The following CADPS variants were observed in gnomAD, a reference collection of about 807,000 sequenced individuals.
CADPS encodes calcium-dependent secretion activator 1.
CADPS carries 57 observed loss-of-function variants against 167.3 expected under a neutral mutation model. The ratio of observed to expected loss-of-function variants is 0.34; its 90% CI spans 0.28 to 0.42. The LOEUF is 0.42. Ranked by LOEUF, CADPS falls within the 20% of genes least tolerant of loss-of-function variation. The pLI is 1.00. For missense variants in CADPS, 1,414 were observed against 1,738.1 expected (o/e 0.81, Z 3.32); for synonymous variants, 676 against 635.3 (o/e 1.06, Z -0.96).
intron 3 of CADPS, among the ~76,000 whole-genome samples, chr3:62,679,959 T>C (rs1191804627): frequency 6.6e-6 from 1 of 151,886 alleles, no homozygotes; most frequent in Non-Finnish European, 1.5e-5. Flanking sequence ...TAATTATAAT[T>C]TATATAAAGA....
intron 1 of CADPS, among the ~76,000 whole-genome samples, chr3:62,819,113 G>T (rs1188927710): frequency 2.0e-5 from 3 of 152,036 alleles, no homozygotes; most frequent in East Asian, 1.9e-4. Context: ...AGAAGTGTGG[G>T]TTATGTGTGT....
intron 3 of CADPS, among the ~76,000 whole-genome samples, chr3:62,752,357 A>G (rs972106051): frequency 6.6e-6 from 1 of 152,218 alleles, no homozygotes; most frequent in Non-Finnish European, 1.5e-5. Context: ...TTAAAGTTGG[A>G]TGAGATGAAA....
intron 6 of CADPS, among the ~76,000 whole-genome samples, chr3:62,618,516 T>A (rs2062685114): frequency 6.6e-6 from 1 of 152,156 alleles, no homozygotes. Context: ...AAATAAAGAA[T>A]TGGAGTTCTG....
intron 3 of CADPS, among the ~76,000 whole-genome samples, chr3:62,674,783 G>C (rs1183247600): frequency 6.6e-6 from 1 of 152,098 alleles, no homozygotes; most frequent in African/African-American, 2.4e-5. Flanking sequence ...TAACACATGA[G>C]ACAGTTCTTA....
intron 4 of CADPS, among the ~76,000 whole-genome samples, chr3:62,658,750 C>T (rs1371511299): frequency 6.6e-6 from 1 of 152,180 alleles, no homozygotes. Flanking sequence ...ATATCCCCAG[C>T]ATCCATGTAT....
intron 21 of CADPS, among the ~76,000 whole-genome samples, chr3:62,484,658 A>T (rs200222602): frequency 6.6e-6 from 1 of 152,128 alleles, no homozygotes; most frequent in Non-Finnish European, 1.5e-5. Flanking sequence ...TCACTCTTAC[A>T]TGGATGAATG....
chr3:62,494,279 G>T (rs984695796), intron 18 of CADPS, among the ~76,000 whole-genome samples: 1 of 152,168 alleles, frequency 6.6e-6, no homozygotes, highest in Non-Finnish European at 1.5e-5. Context: ...AAGTCCAGTA[G>T]ATAGAGAAAC....
chr3:62,417,273 ACTCTTTTTTTTTTTT>A lies in CADPS; in HGVS notation c.3778-14103_3778-14089del, dbSNP rs2050264180. On this transcript the variant is annotated intron_variant, in intron 28 of 29. Transcript: ENST00000383710. ...TTAACACAATAACTATTTTTCTTTT[ACTCTTTTTTTTTTTT>A]TTTTTTTTTTTTTTTTGAGACTGTC... Among the ~76,000 whole-genome samples, 6 of 51,534 alleles carry A rather than the reference ACTCTTTTTTTTTTTT, an allele frequency of 1.2e-4. 1 individual carries two copies. Among genetic ancestry groups the A allele is most frequent in the African/African-American group, 2.7e-4 (3 of 11,226 alleles). The allele number at this position is 51,534 out of a possible 152,430, so 33.8% of individuals were successfully genotyped here. A position where few individuals can be genotyped will look rare whatever the true frequency, so the allele number is the denominator to read the frequency against.
At chr3:62,567,779 T>C (rs1340836202) in intron 9 of CADPS, among the ~76,000 whole-genome samples, 1 of 151,928 alleles carries the variant, frequency 6.6e-6, no homozygotes, top group Non-Finnish European at 1.5e-5. Flanking sequence ...TTCACCATGT[T>C]GCCCAGGCTG....
chr3:62,711,292 G>A (rs1338905622), intron 3 of CADPS, among the ~76,000 whole-genome samples: 1 of 152,192 alleles, frequency 6.6e-6, no homozygotes, highest in African/African-American at 2.4e-5. Context: ...ATAGTGATAA[G>A]TGTAAACAGT....
At chr3:62,713,598 G>A (rs1455224554) in intron 3 of CADPS, among the ~76,000 whole-genome samples, 3 of 152,234 alleles carry the variant, frequency 2.0e-5, no homozygotes, top group South Asian at 2.1e-4. Context: ...CTGCCTGTGC[G>A]TTAGCCCTGC....
At chr3:62,556,715 G>A (rs904942376) in intron 10 of CADPS, among the ~76,000 whole-genome samples, 1 of 151,932 alleles carries the variant, frequency 6.6e-6, no homozygotes, top group Admixed American at 6.6e-5. Context: ...TGGGTGGGGG[G>A]AGAGGTGCGA....
At position 62,848,103 on chromosome 3, in the gene CADPS, T is replaced by A. The variant is rs2077832109; in HGVS notation, c.441+26486A>T. Among the ~76,000 whole-genome samples the A allele has an allele frequency of 1.4e-5, 2 of 141,866 alleles. 1 individual carries two copies. Among genetic ancestry groups the A allele is most frequent in the African/African-American group, 5.9e-5 (2 of 33,890 alleles). 93.1% of individuals were successfully genotyped at this position (141,866 alleles called of 152,430 possible). On this transcript the variant is annotated intron_variant, in intron 1 of 29. Transcript: ENST00000383710. ...TTTAGAGAAGTGTCTGTTCATGTCC[T>A]TCGCCCACTTTTTGATGGGGTTGTT...
At chr3:62,631,642 T>C (rs2065293485) in intron 6 of CADPS, among the ~76,000 whole-genome samples, 1 of 152,196 alleles carries the variant, frequency 6.6e-6, no homozygotes, top group Admixed American at 6.5e-5. Flanking sequence ...TAACTCTAAT[T>C]GTGCAGCTTT....
chr3:62,615,892 C>T (rs1022841520), intron 6 of CADPS, among the ~76,000 whole-genome samples: 10 of 152,140 alleles, frequency 6.6e-5, no homozygotes, highest in African/African-American at 2.4e-4. Context: ...AATAATAAGA[C>T]AACCCTGCAA....
Position 62,765,925 on chromosome 3 carries a change from T to C in CADPS, c.501A>G (p.Glu167=). 1 of 1,613,576 alleles carries C rather than the reference T, an allele frequency of 6.2e-7. No individual in the cohort carries two copies. The highest frequency in any genetic ancestry group is 8.5e-7 in the Non-Finnish European group (1 of 1,179,588). The change falls in exon 2 of 30, where the codon GAA becomes GAG. Residue 167 remains glutamate (E), a synonymous_variant. Transcript: ENST00000383710. The part of the protein sequence containing the change: ...KDRFQAFLNG[E]TQIMADEAFM... Reference sequence around the variant, plus strand: ...AGGCTTCGTCAGCCATGATCTGGGTTTCCCCATTGAGGAAAGCCTGAAACC... The same window carrying C: ...AGGCTTCGTCAGCCATGATCTGGGTCTCCCCATTGAGGAAAGCCTGAAACC...
At chr3:62,667,551 G>A (rs2074691109) in intron 3 of CADPS, among the ~76,000 whole-genome samples, 1 of 152,062 alleles carries the variant, frequency 6.6e-6, no homozygotes, top group East Asian at 1.9e-4. Context: ...CAGTCCTGCA[G>A]GTTCTCTAGA....
intron 16 of CADPS, chr3:62,513,553 T>C: frequency 2.4e-6 from 2 of 835,710 alleles, no homozygotes; most frequent in Non-Finnish European, 1.9e-6. Flanking sequence ...GCAAGGAGAG[T>C]GAGTTGGTTT....
chr3:62,868,003 C>T (rs1267830540), intron 1 of CADPS, among the ~76,000 whole-genome samples: 1 of 152,058 alleles, frequency 6.6e-6, no homozygotes, highest in Non-Finnish European at 1.5e-5. Context: ...CACTGTCCTT[C>T]ACTGTCCATC....
Sources: gnomAD v4.1 joint callset for allele counts (sites outside exome capture counted in the v4.1 genomes callset) on GRCh38, gnomAD v4.1.1 for gene constraint, MANE v1.5 for transcripts, NCBI Gene and HGNC (gene_info 2026-07-23, HGNC 2026-07-21) for gene names.